Variants in TMEM229B observed in about 807,000 individuals in gnomAD.
TMEM229B encodes chromosome 14 open reading frame 83.
In TMEM229B, 6 loss-of-function variants were observed where a neutral mutation model predicts 13.7. The observed-to-expected ratio is 0.44, with a 90% CI of 0.24 to 0.86. The LOEUF is 0.86. Among genes scored for constraint, TMEM229B ranks in the 40% least tolerant of loss-of-function variants. The probability of loss-of-function intolerance (pLI) is 0.23; values close to 1 mark genes in which losing one functional copy is unlikely to be tolerated. For synonymous variants in TMEM229B, 107 were observed against 102.1 expected (o/e 1.05, Z -0.29); for missense variants, 170 against 236.0 (o/e 0.72, Z 1.83).
At chr14:67,495,545 C>T (rs1284509722) in intron 1 of TMEM229B, among the ~76,000 whole-genome samples, 3 of 151,482 alleles carry the variant, frequency 2.0e-5, no homozygotes, top group Admixed American at 1.3e-4. Flanking sequence ...TGCAATGGCA[C>T]AATCTCAATT....
At chr14:67,492,921 A>T (rs1367211804), upstream of TMEM229B, among the ~76,000 whole-genome samples, 1 of 152,212 alleles carries the variant, frequency 6.6e-6, no homozygotes, top group Non-Finnish European at 1.5e-5. Flanking sequence ...AGCTCTAAAC[A>T]TACTATAAGT....
intron 1 of TMEM229B, among the ~76,000 whole-genome samples, chr14:67,524,419 A>G (rs144292626): frequency 0.015 from 2,346 of 152,242 alleles, 37 homozygotes; most frequent in Non-Finnish European, 0.02. Context: ...TGGTGCTACA[A>G]TTAGGAGTGT....
chr14:67,528,513 G>A (rs1359559196), intron 1 of TMEM229B, among the ~76,000 whole-genome samples: 2 of 152,166 alleles, frequency 1.3e-5, no homozygotes, highest in Admixed American at 1.3e-4. Context: ...GATGAAAGCT[G>A]TTGGAGAAAT....
At chr14:67,482,605 G>A (rs1418470808) in intron 2 of TMEM229B, among the ~76,000 whole-genome samples, 2 of 152,208 alleles carry the variant, frequency 1.3e-5, no homozygotes, top group Non-Finnish European at 2.9e-5. Context: ...ACGCAGCGGG[G>A]GACAGCTTCA....
exon 1 of TMEM229B, chr14:67,533,636 C>T (rs1444279893): frequency 6.6e-6 from 1 of 152,168 alleles, no homozygotes; most frequent in African/African-American, 2.4e-5. Context: ...CCGGGAGTAC[C>T]TGGACTTGGG....
At chr14:67,520,003 G>A (rs549195669), upstream of TMEM229B, among the ~76,000 whole-genome samples, 101 of 152,256 alleles carry the variant, frequency 6.6e-4, no homozygotes, top group African/African-American at 2.4e-3. Context: ...GATCATAGGC[G>A]TGAGCCACCA....
chr14:67,478,305 C>A (rs7151852), intron 2 of TMEM229B, among the ~76,000 whole-genome samples: 8,250 of 152,286 alleles, frequency 0.054, 415 homozygotes, highest in East Asian at 0.23. Flanking sequence ...ATCCCACTGG[C>A]CAAGGGAAAG....
intron 2 of TMEM229B, among the ~76,000 whole-genome samples, chr14:67,475,967 C>A (rs2031166728): frequency 6.6e-6 from 1 of 152,216 alleles, no homozygotes. Context: ...GCAGGCCCGT[C>A]CTGGGCAGGC....
At chr14:67,504,304 G>A (rs1320912410) in intron 1 of TMEM229B, among the ~76,000 whole-genome samples, 5 of 152,304 alleles carry the variant, frequency 3.3e-5, no homozygotes, top group Non-Finnish European at 4.4e-5. Flanking sequence ...GTGAGCCACC[G>A]TGCCCAGGCT....
chr14:67,511,844 T>C (rs1157810854), intron 1 of TMEM229B, among the ~76,000 whole-genome samples: 3 of 152,238 alleles, frequency 2.0e-5, no homozygotes, highest in Non-Finnish European at 4.4e-5. Flanking sequence ...GCCTGATGAA[T>C]GGGAAAACAG....
upstream of TMEM229B, among the ~76,000 whole-genome samples, chr14:67,492,984 C>G (rs1053877328): frequency 1.3e-5 from 2 of 152,022 alleles, no homozygotes; most frequent in African/African-American, 4.8e-5. Flanking sequence ...AATAAAGAAA[C>G]CCGATGCTGG....
chr14:67,478,607 G>A (rs1025476548), intron 2 of TMEM229B, among the ~76,000 whole-genome samples: 1 of 152,168 alleles, frequency 6.6e-6, no homozygotes, highest in African/African-American at 2.4e-5. Flanking sequence ...AGTAAATAAA[G>A]CTCAAACCCC....
intron 1 of TMEM229B, among the ~76,000 whole-genome samples, chr14:67,487,623 A>G (rs2031956385): frequency 6.6e-6 from 1 of 152,252 alleles, no homozygotes; most frequent in African/African-American, 2.4e-5. Flanking sequence ...CCACTCGTGC[A>G]GAAAAACAAA....
At chr14:67,480,762 T>C (rs2031538186) in intron 2 of TMEM229B, among the ~76,000 whole-genome samples, 1 of 145,772 alleles carries the variant, frequency 6.9e-6, no homozygotes, top group Non-Finnish European at 1.5e-5. Flanking sequence ...GTGGATCTCA[T>C]TACTCAGGCC....
At chr14:67,521,129 G>A (rs781162552) in intron 1 of TMEM229B, among the ~76,000 whole-genome samples, 25 of 152,222 alleles carry the variant, frequency 1.6e-4, no homozygotes, top group Non-Finnish European at 3.2e-4. Flanking sequence ...AGGACAGGAA[G>A]ATGTAGATTG....
At position 67,473,196 on chromosome 14, in the gene TMEM229B, C is replaced by G. The variant is rs2030882912; in HGVS notation, c.*224G>C. 3 of 599,812 alleles carry G rather than the reference C, an allele frequency of 5.0e-6. No homozygotes were observed. In the African/African-American group the frequency reaches 5.6e-5, roughly 11 times the overall value. The allele number at this position is 599,812 out of a possible 1,614,324, so 37.2% of individuals were successfully genotyped here. A position where few individuals can be genotyped will look rare whatever the true frequency, so the allele number is the denominator to read the frequency against. Reference sequence around the variant, plus strand: ...CCTGAACTGGGCCGCGATCCATGGACCCTTCCCAATGTCCCTCTGCTGCCT... The same window carrying G: ...CCTGAACTGGGCCGCGATCCATGGAGCCTTCCCAATGTCCCTCTGCTGCCT... On this transcript the variant is annotated 3_prime_UTR_variant, in exon 3 of 3. Transcript: ENST00000554480. The surrounding 1 kb of genome is among the most constrained non-coding windows in gnomAD (Gnocchi z 6.5).
In TMEM229B at chr14:67,473,726, C is replaced by G. The variant is rs762112426; in HGVS notation, c.198G>C (p.Arg66=). 7 of 1,610,314 alleles carry G rather than the reference C, an allele frequency of 4.3e-6. 1 individual carries two copies. The African/African-American group carries it at 8.0e-5, about 18-fold the overall frequency. The part of the protein sequence containing the change: ...SILIVERMYL[R]LRGRCPLLLR... ...GGAGCAGCGGGCAGCGGCCGCGCAG[C>G]CGCAGGTACATGCGCTCCACGATGA... is the stretch of plus-strand genomic sequence containing the variant. The change falls in exon 3 of 3, where the codon CGG becomes CGC. Residue 66 remains arginine, a synonymous_variant. Transcript: ENST00000554480. The surrounding 1 kb of genome is among the most constrained non-coding windows in gnomAD (Gnocchi z 6.5).
chr14:67,495,305 C>T (rs901750309), intron 1 of TMEM229B, among the ~76,000 whole-genome samples: 1 of 152,188 alleles, frequency 6.6e-6, no homozygotes, highest in African/African-American at 2.4e-5. Flanking sequence ...TTACTCCCAC[C>T]TCCTCCTCCC....
chr14:67,505,595 C>A (rs1172528666), intron 1 of TMEM229B, among the ~76,000 whole-genome samples: 2 of 152,234 alleles, frequency 1.3e-5, no homozygotes, highest in South Asian at 2.1e-4. Flanking sequence ...CAGGTCTTCT[C>A]TGAGATGGTC....
Sources: allele counts gnomAD v4.1 joint callset (sites outside exome capture counted in the v4.1 genomes callset), GRCh38; gene constraint gnomAD v4.1.1; non-coding constraint Gnocchi (gnomAD v3.1); transcripts MANE v1.5; gene names NCBI Gene and HGNC (gene_info 2026-07-23, HGNC 2026-07-21).